The following CLNK variants were observed in gnomAD, a reference collection of about 807,000 sequenced individuals.
The protein encoded by CLNK is cytokine-dependent hematopoietic cell linker.
CLNK carries 74 observed loss-of-function variants against 68.6 expected under a neutral mutation model. The ratio of observed to expected loss-of-function variants is 1.08; its 90% CI spans 0.89 to 1.31. The LOEUF (loss-of-function observed/expected upper bound fraction) is 1.31. Ranked by LOEUF, CLNK falls within the 50% of genes most tolerant of loss-of-function variation. The probability of loss-of-function intolerance (pLI) is 0.00; values close to 1 mark genes in which losing one functional copy is unlikely to be tolerated. For missense variants in CLNK, 553 were observed against 515.3 expected (o/e 1.07, Z -0.71); for synonymous variants, 198 against 172.2 (o/e 1.15, Z -1.17).
intron 2 of CLNK, among the ~76,000 whole-genome samples, chr4:10,604,968 A>G (rs1053767394): frequency 1.3e-5 from 2 of 152,240 alleles, no homozygotes; most frequent in Non-Finnish European, 2.9e-5. Context: ...ATGATGCTTC[A>G]TAATGTGGGT....
intron 2 of CLNK, among the ~76,000 whole-genome samples, chr4:10,620,811 C>T (rs1056485722): frequency 9.2e-5 from 14 of 151,994 alleles, no homozygotes; most frequent in African/African-American, 3.4e-4. Flanking sequence ...AGGGTAAAAA[C>T]TCTACCTCAG....
the CLNK span, among the ~76,000 whole-genome samples, chr4:10,733,780 T>C: frequency 6.6e-6 from 1 of 152,348 alleles, no homozygotes; most frequent in African/African-American, 2.4e-5. Context: ...AGAATATTAG[T>C]TCTGTGTTGC....
At chr4:10,679,812 A>G (rs565087842) in intron 1 of CLNK, among the ~76,000 whole-genome samples, 3 of 152,280 alleles carry the variant, frequency 2.0e-5, no homozygotes, top group South Asian at 2.1e-4. Flanking sequence ...CAAAACCACA[A>G]TGAGATACCA....
chr4:10,528,089 A>G lies in CLNK; in HGVS notation c.636T>C (p.Leu212=). The G allele has an allele frequency of 7.4e-7, 1 of 1,351,174 alleles. No individual in the cohort carries two copies. Among genetic ancestry groups the G allele is most frequent in the Non-Finnish European group, 9.7e-7 (1 of 1,030,272 alleles). 83.7% of individuals were successfully genotyped at this position (1,351,174 alleles called of 1,614,324 possible). The change falls in exon 13 of 19, where the codon CTT becomes CTC. Residue 212 remains leucine (L), a synonymous_variant. Transcript: ENST00000226951. The part of the protein sequence containing the change: ...QISLRDLSEV[L]EAEKVPHNQR... ...TAAACAATTCACCTTTTTCTGCTTC[A>G]AGGACCTGTATTGAATTAAAAAAAA...
intron 6 of CLNK, among the ~76,000 whole-genome samples, chr4:10,565,388 A>G (rs35783374): frequency 0.23 from 35,276 of 152,138 alleles, 4,377 homozygotes; most frequent in African/African-American, 0.31. Context: ...AATTGTGAAT[A>G]CTTCCTCTTT....
At chr4:10,693,532 A>C in the CLNK span, among the ~76,000 whole-genome samples, 1 of 152,196 alleles carries the variant, frequency 6.6e-6, no homozygotes. Flanking sequence ...GGGGCAAGGA[A>C]GTGTCCTCCC....
In CLNK at chr4:10,490,274, T is replaced by C; in HGVS notation, c.*193A>G. The C allele has an allele frequency of 6.5e-6, 3 of 464,872 alleles. No homozygotes were observed. 28.8% of individuals were successfully genotyped at this position (464,872 alleles called of 1,614,324 possible). On this transcript the variant is annotated 3_prime_UTR_variant, in exon 19 of 19. Coordinates refer to ENST00000226951, the MANE Select transcript of CLNK (RefSeq NM_052964.4). ...TACTAGAATGTTTTTATTTTTTGCA[T>C]GTTATAAATATTTTCTCTGTGGTTT...
the CLNK span, among the ~76,000 whole-genome samples, chr4:10,731,634 A>G: frequency 6.6e-6 from 1 of 152,184 alleles, no homozygotes; most frequent in Non-Finnish European, 1.5e-5. Flanking sequence ...TTTGAGTTTG[A>G]TATTTACCCT....
At chr4:10,580,390 A>G (rs1431976614) in intron 4 of CLNK, among the ~76,000 whole-genome samples, 1 of 152,246 alleles carries the variant, frequency 6.6e-6, no homozygotes, top group East Asian at 1.9e-4. Context: ...ATTTTAAAGC[A>G]TCCCGCTACT....
In CLNK at chr4:10,547,052, TC is replaced by T. The variant is rs1719258930; in HGVS notation, c.446-4773del. ...CCCATTAATCCATTAATGGACTAAT[TC>T]ATCCATGAGGGCAGAGCACTCATGA... On this transcript the variant is annotated intron_variant, in intron 8 of 18. Transcript: ENST00000226951. Among the ~76,000 whole-genome samples, 7 of 152,242 alleles carry T rather than the reference TC, an allele frequency of 4.6e-5. No individual in the cohort carries two copies. The South Asian group carries it at 1.5e-3, about 32-fold the overall frequency.
chr4:10,729,335 C>A, the CLNK span, among the ~76,000 whole-genome samples: 2 of 152,094 alleles, frequency 1.3e-5, no homozygotes, highest in Non-Finnish European at 2.9e-5. Flanking sequence ...ATTAGTACAG[C>A]CTCTATGGAA....
Position 10,540,497 on chromosome 4 carries a change from G to T in CLNK, c.599C>A (p.Pro200His). ...CCATTGATGATGAATCTCTCACCTG[G>T]GCATTCTCTGGACTTCTGGAAAGGT... The part of the protein sequence containing the change: ...RHTFPEVQRM[P>H]SQISLRDLSE... Residue 200 changes from proline to histidine, a missense_variant, in exon 11 of 19, where the codon CCC becomes CAC. Physicochemically the swap from Pro to His is moderately conservative, Grantham distance 77. Transcript: ENST00000226951. 6.2e-7 allele frequency: 1 copy of T among 1,606,290 alleles called. No individual in the cohort carries two copies. Among genetic ancestry groups the T allele is most frequent in the Non-Finnish European group, 8.5e-7 (1 of 1,173,024 alleles).
At chr4:10,717,180 T>C in the CLNK span, among the ~76,000 whole-genome samples, 1 of 152,044 alleles carries the variant, frequency 6.6e-6, no homozygotes. Context: ...TGCCAGGCAA[T>C]AAAAAGCCCC....
rs1393428785 is a variant in CLNK at position 10,502,565 on chromosome 4, A to C, written c.985-1154T>G. ...GATGTATTCATCTCTCAATGTTCAC[A>C]TATTTCCTCTTCTGCTTGATGCTCG... is the stretch of plus-strand genomic sequence containing the variant. On this transcript the variant is annotated intron_variant, in intron 17 of 18. Coordinates refer to ENST00000226951, the MANE Select transcript of CLNK (RefSeq NM_052964.4). 2.6e-5 allele frequency among the ~76,000 whole-genome samples: 4 copies of C among 151,720 alleles called. No individual in the cohort carries two copies. The East Asian group carries it at 7.8e-4, about 30-fold the overall frequency.
chr4:10,632,943 T>C (rs1374815862), intron 2 of CLNK, among the ~76,000 whole-genome samples: 1 of 152,220 alleles, frequency 6.6e-6, no homozygotes, highest in Non-Finnish European at 1.5e-5. Flanking sequence ...AGAGAAAAGA[T>C]AAGCATTTTA....
At chr4:10,653,436 A>G (rs575520109) in intron 2 of CLNK, among the ~76,000 whole-genome samples, 95 of 152,318 alleles carry the variant, frequency 6.2e-4, no homozygotes, top group Admixed American at 1.3e-3. Flanking sequence ...TACAACTGCC[A>G]TATGATTAAG....
intron 14 of CLNK, among the ~76,000 whole-genome samples, chr4:10,524,939 T>C (rs1718241290): frequency 6.6e-6 from 1 of 152,142 alleles, no homozygotes; most frequent in Non-Finnish European, 1.5e-5. Flanking sequence ...TGGCTTGAAC[T>C]GAGGTCAGAG....
At chr4:10,706,455 T>A in the CLNK span, among the ~76,000 whole-genome samples, 1 of 152,152 alleles carries the variant, frequency 6.6e-6, no homozygotes, top group East Asian at 1.9e-4. Context: ...GATGCCAAAA[T>A]AAACACCACA....
chr4:10,521,248 G>A (rs921585411), intron 14 of CLNK, among the ~76,000 whole-genome samples: 1 of 152,142 alleles, frequency 6.6e-6, no homozygotes, highest in African/African-American at 2.4e-5. Flanking sequence ...AGAAATTATT[G>A]TATTCCTTCT....
Sources: allele counts gnomAD v4.1 joint callset (sites outside exome capture counted in the v4.1 genomes callset), GRCh38; gene constraint gnomAD v4.1.1; transcripts MANE v1.5; gene names NCBI Gene and HGNC (gene_info 2026-07-23, HGNC 2026-07-21).